ZNF469: variants seen among roughly 807,000 people sequenced by gnomAD.
ZNF469 encodes the protein zinc finger protein 469.
In ZNF469, 1 loss-of-function variant was observed where a neutral mutation model predicts 1.0. That is an observed-to-expected ratio of 1.00 (90% CI 0.35 to 4.73). The LOEUF (loss-of-function observed/expected upper bound fraction) is 4.73, where lower values mean the gene tolerates loss of function less well. Ranked by LOEUF, ZNF469 falls within the 30% of genes most tolerant of loss-of-function variation. The pLI is 0.16. For synonymous variants in ZNF469, 2,703 were observed against 2,363.4 expected, an observed-to-expected ratio of 1.14 and a Z score of -4.17; for missense variants, 6,100 against 5,356.3, an observed-to-expected ratio of 1.14 and a Z score of -4.33.
chr16:88,333,872 G>GTGTGTGTGTGTC, the ZNF469 span, among the ~76,000 whole-genome samples: 1 of 151,186 alleles, frequency 6.6e-6, no homozygotes, highest in Non-Finnish European at 1.5e-5. Flanking sequence ...CAGTGTGTGT[G>GTGTGTGTGTGTC]TGTGTGTTTG....
chr16:88,358,642 C>T, the ZNF469 span, among the ~76,000 whole-genome samples: 112 of 152,294 alleles, frequency 7.4e-4, no homozygotes, highest in African/African-American at 2.7e-3. Flanking sequence ...CTCTGAGAGT[C>T]ACCCCATCCT....
At position 88,430,682 on chromosome 16, in the gene ZNF469, G is replaced by A; in HGVS notation, c.3212G>A (p.Arg1071Lys). 8 of 1,487,618 alleles carry A rather than the reference G, an allele frequency of 5.4e-6. No individual in the cohort carries two copies. The highest frequency in any genetic ancestry group is 7.1e-6 in the Non-Finnish European group (8 of 1,127,338). 92.2% of individuals were successfully genotyped at this position (1,487,618 alleles called of 1,614,324 possible). ...CGGCGGCTGGGGCGGCGGGCGGGCAGGTGCGGCTCCCTGGCGGCGGGGAGG... is the reference window on the plus strand; with the variant it reads ...CGGCGGCTGGGGCGGCGGGCGGGCAAGTGCGGCTCCCTGGCGGCGGGGAGG... ...RHRRLGRRAG[R>K]CGSLAAGRPR... Residue 1071 changes from arginine to lysine, a missense_variant, in exon 3 of 3, where the codon AGG (arginine) becomes AAG (lysine). By Grantham distance (26) the Arg-to-Lys change is conservative (BLOSUM62 2). Coordinates refer to ENST00000565624, the MANE Select transcript of ZNF469 (RefSeq NM_001367624.2).
the ZNF469 span, among the ~76,000 whole-genome samples, chr16:88,373,071 G>C: frequency 6.6e-6 from 1 of 152,174 alleles, no homozygotes; most frequent in Non-Finnish European, 1.5e-5. Flanking sequence ...CCCCTGGCTT[G>C]GTACCAGGCA....
Position 88,437,323 on chromosome 16 carries a change from G to A in ZNF469, c.9853G>A (p.Ala3285Thr), listed in dbSNP as rs1029544596. 6 of 1,547,016 alleles carry A rather than the reference G, an allele frequency of 3.9e-6. No homozygotes were observed. Among genetic ancestry groups the A allele is most frequent in the Non-Finnish European group, 5.2e-6 (6 of 1,145,380 alleles). Residue 3285 changes from alanine to threonine, a missense_variant, in exon 3 of 3, where the codon GCC (alanine) becomes ACC (threonine). Physicochemically the swap from Ala to Thr is moderately conservative, Grantham distance 58. Coordinates refer to ENST00000565624, the MANE Select transcript of ZNF469 (RefSeq NM_001367624.2). ...ARSTPSNPDG[A>T]ATPDSASATA... is the part of the protein sequence containing the mutation. ...CAGCACCCCCAGCAACCCAGACGGG[G>A]CCGCGACCCCAGACAGCGCCTCTGC...
the ZNF469 span, among the ~76,000 whole-genome samples, chr16:88,332,392 C>T: frequency 5.3e-5 from 8 of 152,320 alleles, no homozygotes; most frequent in African/African-American, 1.2e-4. Context: ...CATGATGTGC[C>T]GTCACCGCGT....
the ZNF469 span, among the ~76,000 whole-genome samples, chr16:88,146,212 TAGACTCA>T: frequency 7.2e-5 from 11 of 152,332 alleles, no homozygotes; most frequent in South Asian, 2.3e-3. Flanking sequence ...CCCAGGTGAC[TAGACTCA>T]GGACTCAGAC....
the ZNF469 span, among the ~76,000 whole-genome samples, chr16:88,259,330 C>A: frequency 6.6e-6 from 1 of 151,768 alleles, no homozygotes; most frequent in Non-Finnish European, 1.5e-5. This position sits in a 1 kb window ranked among gnomAD's most constrained non-coding sequence, Gnocchi z 4.1. Flanking sequence ...CCCTCAGCCG[C>A]ATCCCGCGCC....
rs1397146862 is a variant in ZNF469 at position 88,430,849 on chromosome 16, A to T, written c.3379A>T (p.Thr1127Ser). The change falls in exon 3 of 3, where the codon ACC (threonine) becomes TCC (serine). Residue 1127 changes from threonine to serine, a missense_variant. Coordinates refer to ENST00000565624, the MANE Select transcript of ZNF469 (RefSeq NM_001367624.2). ...CGAGAAGAGGAAGGAAGTGGAGCTG[A>T]CCCAGGGTCCCAGAGAGGATGAGCC... ...RGEKRKEVEL[T>S]QGPREDEPQK... is the part of the protein sequence containing the mutation. 19 of 1,536,258 alleles carry T rather than the reference A, an allele frequency of 1.2e-5. No homozygotes were observed. The highest frequency in any genetic ancestry group is 1.7e-5 in the Non-Finnish European group (19 of 1,146,170).
upstream of ZNF469, among the ~76,000 whole-genome samples, chr16:88,380,656 CAG>C (rs985242920): frequency 1.4e-4 from 21 of 146,076 alleles, no homozygotes; most frequent in East Asian, 1.1e-3. Flanking sequence ...CATACACACA[CAG>C]ACACGCCCTC....
the ZNF469 span, among the ~76,000 whole-genome samples, chr16:88,218,774 T>A: frequency 1.3e-5 from 2 of 151,768 alleles, no homozygotes; most frequent in African/African-American, 4.9e-5. Flanking sequence ...CCAGGGCAAT[T>A]AGGCAGGAGA....
chr16:88,279,526 C>T, the ZNF469 span, among the ~76,000 whole-genome samples: 1 of 146,776 alleles, frequency 6.8e-6, no homozygotes, highest in Non-Finnish European at 1.5e-5. Context: ...CACACTGACA[C>T]TCGGTCAGTA....
intron 1 of ZNF469, among the ~76,000 whole-genome samples, chr16:88,422,947 T>G: frequency 7.2e-6 from 1 of 138,766 alleles, no homozygotes; most frequent in East Asian, 2.2e-4. Flanking sequence ...GGATGGATGA[T>G]GATGGATGAG....
chr16:88,249,423 CTTTTTCTTTTTTT>C, the ZNF469 span, among the ~76,000 whole-genome samples: 9 of 61,752 alleles, frequency 1.5e-4, no homozygotes, highest in African/African-American at 3.1e-4. Context: ...CTTTCTTTTT[CTTTTTCTTTTTTT>C]TTTTTTTTTT....
the ZNF469 span, among the ~76,000 whole-genome samples, chr16:88,336,340 A>G: frequency 6.6e-6 from 1 of 151,816 alleles, no homozygotes; most frequent in African/African-American, 2.4e-5. Context: ...TAACATGCCA[A>G]CACCACACAT....
At chr16:88,155,836 A>G in the ZNF469 span, among the ~76,000 whole-genome samples, 4,690 of 152,250 alleles carry the variant, frequency 0.031, 225 homozygotes, top group African/African-American at 0.1. Context: ...GCTGTGTTTA[A>G]CTTGAGAAGC....
At chr16:88,266,608 G>A in the ZNF469 span, among the ~76,000 whole-genome samples, 1 of 152,266 alleles carries the variant, frequency 6.6e-6, no homozygotes, top group African/African-American at 2.4e-5. Context: ...TAGAAGGTTG[G>A]TGGTTTTACA....
At chr16:88,223,778 A>G in the ZNF469 span, among the ~76,000 whole-genome samples, 2 of 152,186 alleles carry the variant, frequency 1.3e-5, no homozygotes, top group Non-Finnish European at 2.9e-5. Flanking sequence ...CACAGCACTC[A>G]TCTCAATTTG....
At chr16:88,277,603 T>C in the ZNF469 span, among the ~76,000 whole-genome samples, 1,881 of 132,580 alleles carry the variant, frequency 0.014, 78 homozygotes, top group African/African-American at 0.058. Context: ...ACCACGCTGA[T>C]GCTCCGTCAG....
At chr16:88,179,156 G>C in the ZNF469 span, among the ~76,000 whole-genome samples, 1 of 152,154 alleles carries the variant, frequency 6.6e-6, no homozygotes, top group East Asian at 1.9e-4. Context: ...TGGTGCTGTG[G>C]TTTGGACGTG....
Sources: gnomAD v4.1 joint callset for allele counts (sites outside exome capture counted in the v4.1 genomes callset) on GRCh38, gnomAD v4.1.1 for gene constraint, Gnocchi (gnomAD v3.1) non-coding constraint, MANE v1.5 for transcripts, NCBI Gene and HGNC (gene_info 2026-07-23, HGNC 2026-07-21) for gene names.